Variants in DPP10 observed in about 807,000 individuals in gnomAD.
The protein encoded by DPP10 is dipeptidyl peptidase like 10, also known as inactive dipeptidyl peptidase 10.
A neutral mutation model predicts 120.9 loss-of-function variants in DPP10; 33 were observed. That is an observed-to-expected ratio of 0.27 (90% CI 0.21 to 0.37). The LOEUF is 0.37. Among genes scored for constraint, DPP10 ranks in the 10% least tolerant of loss-of-function variants. The pLI is 1.00. For missense variants in DPP10, 816 were observed against 942.8 expected (o/e 0.87, Z 1.76); for synonymous variants, 337 against 326.1 (o/e 1.03, Z -0.36).
At chr2:115,019,699 C>T (rs1702929240) in intron 1 of DPP10, among the ~76,000 whole-genome samples, 1 of 152,174 alleles carries the variant, frequency 6.6e-6, no homozygotes, top group Admixed American at 6.5e-5. Flanking sequence ...AGATCATCAC[C>T]TAGGCACATA....
intron 4 of DPP10, among the ~76,000 whole-genome samples, chr2:115,511,404 A>G (rs1449565764): frequency 2.6e-5 from 4 of 152,092 alleles, no homozygotes; most frequent in Admixed American, 2.0e-4. Flanking sequence ...TGTAAGGTTG[A>G]TACTGATGCC....
At chr2:114,827,053 A>G (rs1686614115) in intron 1 of DPP10, among the ~76,000 whole-genome samples, 1 of 151,740 alleles carries the variant, frequency 6.6e-6, no homozygotes, top group South Asian at 2.1e-4. Flanking sequence ...TGATTTTTCT[A>G]GGTTTTATGG....
chr2:115,332,458 G>A (rs184053493), intron 2 of DPP10, among the ~76,000 whole-genome samples: 4 of 151,794 alleles, frequency 2.6e-5, no homozygotes, highest in South Asian at 2.1e-4. Context: ...ATTTCTTGCC[G>A]TCTGCTAGCT....
intron 1 of DPP10, among the ~76,000 whole-genome samples, chr2:115,038,272 T>A (rs1704367534): frequency 6.6e-6 from 1 of 151,506 alleles, no homozygotes; most frequent in South Asian, 2.1e-4. Flanking sequence ...ATTTATTTAT[T>A]TATTTATTTA....
chr2:115,424,491 AAAG>A (rs2070271890), intron 3 of DPP10, among the ~76,000 whole-genome samples: 1 of 152,082 alleles, frequency 6.6e-6, no homozygotes, highest in Non-Finnish European at 1.5e-5. Flanking sequence ...AAACAAAAAA[AAAG>A]AAGTCAAATT....
At chr2:114,725,904 T>C (rs1225363751) in intron 1 of DPP10, among the ~76,000 whole-genome samples, 1 of 152,144 alleles carries the variant, frequency 6.6e-6, no homozygotes, top group Non-Finnish European at 1.5e-5. Context: ...AGACCCAATG[T>C]GTAAGAATAA....
chr2:114,949,201 G>A (rs1274474778), intron 1 of DPP10, among the ~76,000 whole-genome samples: 1 of 152,070 alleles, frequency 6.6e-6, no homozygotes, highest in African/African-American at 2.4e-5. Context: ...GGGATTACAG[G>A]TGTGAGCCAC....
chr2:115,162,177 C>A (rs2052440194), intron 1 of DPP10: 5 of 1,547,470 alleles, frequency 3.2e-6, no homozygotes, highest in South Asian at 1.2e-5. Context: ...TCCTGCTTCT[C>A]CACGGACTCT....
At chr2:115,383,572 C>A (rs1428829722) in intron 3 of DPP10, among the ~76,000 whole-genome samples, 4 of 152,164 alleles carry the variant, frequency 2.6e-5, no homozygotes, top group Admixed American at 6.5e-5. Context: ...GGTTTTCTGC[C>A]ATTTCAGACT....
intron 5 of DPP10, among the ~76,000 whole-genome samples, chr2:115,620,563 A>G (rs536677371): frequency 8.5e-5 from 13 of 152,192 alleles, no homozygotes; most frequent in Non-Finnish European, 1.8e-4. Context: ...ACAAATCTCT[A>G]CTAACAGTTC....
chr2:115,701,746 A>T (rs1161995822), intron 7 of DPP10, among the ~76,000 whole-genome samples: 1 of 152,068 alleles, frequency 6.6e-6, no homozygotes, highest in African/African-American at 2.4e-5. Context: ...GAGTTCTTAT[A>T]TAGAGGGATT....
intron 1 of DPP10, among the ~76,000 whole-genome samples, chr2:114,869,254 T>A (rs1354698903): frequency 6.6e-6 from 1 of 152,164 alleles, no homozygotes; most frequent in Non-Finnish European, 1.5e-5. Context: ...ATATTATGTT[T>A]ATGAGCATAT....
chr2:114,904,218 C>T (rs891090769), intron 1 of DPP10, among the ~76,000 whole-genome samples: 1 of 152,042 alleles, frequency 6.6e-6, no homozygotes, highest in Non-Finnish European at 1.5e-5. Context: ...GACTATATAG[C>T]CATGAAAAGA....
chr2:115,681,520 G>A (rs997025542), intron 5 of DPP10, among the ~76,000 whole-genome samples: 3 of 151,792 alleles, frequency 2.0e-5, no homozygotes, highest in Admixed American at 1.3e-4. Flanking sequence ...AATTGAAATA[G>A]ATTTGAGCTT....
intron 1 of DPP10, among the ~76,000 whole-genome samples, chr2:115,050,437 T>C (rs1216894779): frequency 1.3e-5 from 2 of 152,126 alleles, no homozygotes; most frequent in Non-Finnish European, 2.9e-5. Flanking sequence ...CTTGCCTTAA[T>C]GTCTCATAAC....
chr2:114,477,959 G>GTACATATGTGTA (rs1558795236), intron 1 of DPP10, among the ~76,000 whole-genome samples: 2 of 56,190 alleles, frequency 3.6e-5, no homozygotes, highest in Non-Finnish European at 1.1e-4. Flanking sequence ...ATATATGTGT[G>GTACATATGTGTA]TATATGTATA....
At chr2:115,536,511 G>T (rs553652117) in intron 5 of DPP10, among the ~76,000 whole-genome samples, 4 of 152,028 alleles carry the variant, frequency 2.6e-5, no homozygotes, top group Admixed American at 6.6e-5. Flanking sequence ...TTAAATTAAT[G>T]AGACTGAAAT....
intron 3 of DPP10, among the ~76,000 whole-genome samples, chr2:115,442,261 G>A (rs2072140718): frequency 6.6e-6 from 1 of 151,918 alleles, no homozygotes; most frequent in African/African-American, 2.4e-5. Context: ...TCTGTAAGAG[G>A]ATCAGAATCT....
chr2:115,037,645 C>T (rs983063749), intron 1 of DPP10, among the ~76,000 whole-genome samples: 7 of 152,270 alleles, frequency 4.6e-5, no homozygotes, highest in African/African-American at 1.2e-4. Context: ...TTATAATTTC[C>T]GTGCATGAGC....
Sources: gnomAD v4.1 joint callset for allele counts (sites outside exome capture counted in the v4.1 genomes callset) on GRCh38, gnomAD v4.1.1 for gene constraint, MANE v1.5 for transcripts, NCBI Gene and HGNC (gene_info 2026-07-23, HGNC 2026-07-21) for gene names.